BRAF: variants seen among roughly 807,000 people sequenced by gnomAD.
The protein encoded by BRAF is serine/threonine-protein kinase B-raf.
Under a neutral mutation model 104.6 loss-of-function variants are expected in BRAF, and 16 were observed. The observed-to-expected ratio is 0.15, with a 90% CI of 0.10 to 0.23. The LOEUF (loss-of-function observed/expected upper bound fraction) is 0.23, where lower values mean the gene tolerates loss of function less well. Among genes scored for constraint, BRAF ranks in the 10% least tolerant of loss-of-function variants. The pLI, the probability that BRAF is intolerant of heterozygous loss-of-function variation, is 1.00. For missense variants in BRAF, 541 were observed against 937.3 expected (o/e 0.58, Z 5.52); for synonymous variants, 310 against 341.6 (o/e 0.91, Z 1.02).
chr7:140,880,193 A>G (rs1349859418), intron 1 of BRAF, among the ~76,000 whole-genome samples: 1 of 152,192 alleles, frequency 6.6e-6, no homozygotes, highest in Admixed American at 6.5e-5. Flanking sequence ...CCAGTGCTTC[A>G]TCAACTAATT....
intron 2 of BRAF, among the ~76,000 whole-genome samples, chr7:140,839,632 A>C (rs1047737604): frequency 6.6e-6 from 1 of 152,228 alleles, no homozygotes; most frequent in African/African-American, 2.4e-5. Flanking sequence ...CAGGAGGCTG[A>C]AGCGGGAGGA....
At chr7:140,838,172 T>C (rs780890516) in intron 2 of BRAF, among the ~76,000 whole-genome samples, 9 of 152,298 alleles carry the variant, frequency 5.9e-5, no homozygotes, top group Non-Finnish European at 1.0e-4. Context: ...AAACTCTAAA[T>C]ATTTTTCAAA....
At chr7:140,921,982 T>G (rs1211964039) in intron 1 of BRAF, among the ~76,000 whole-genome samples, 2 of 152,160 alleles carry the variant, frequency 1.3e-5, no homozygotes, top group African/African-American at 4.8e-5. Flanking sequence ...CCACTGAATA[T>G]CAACTTCAAA....
chr7:140,821,468 T>C (rs1420969271), intron 3 of BRAF, among the ~76,000 whole-genome samples: 1 of 151,446 alleles, frequency 6.6e-6, no homozygotes, highest in African/African-American at 2.4e-5. Context: ...TGGCTAATTT[T>C]TTTTTTTGTA....
At chr7:140,726,683 C>T (rs1373331135) in intron 19 of BRAF, among the ~76,000 whole-genome samples, 2 of 152,172 alleles carry the variant, frequency 1.3e-5, no homozygotes, top group Admixed American at 6.5e-5. Flanking sequence ...CATGGAAGAA[C>T]ACAACATATA....
At chr7:140,767,414 T>C (rs956497691) in intron 14 of BRAF, among the ~76,000 whole-genome samples, 21 of 152,142 alleles carry the variant, frequency 1.4e-4, no homozygotes, top group African/African-American at 5.1e-4. Context: ...GGGGATGGAA[T>C]CTAGTGTACA....
At chr7:140,852,603 T>G (rs1809303902) in intron 1 of BRAF, among the ~76,000 whole-genome samples, 1 of 152,178 alleles carries the variant, frequency 6.6e-6, no homozygotes, top group African/African-American at 2.4e-5. Context: ...CTCCAAAAAG[T>G]GTCAGATGGC....
At chr7:140,842,370 T>C (rs185065594) in intron 2 of BRAF, among the ~76,000 whole-genome samples, 129 of 152,268 alleles carry the variant, frequency 8.5e-4, no homozygotes, top group African/African-American at 3.1e-3. Context: ...TGAACTAATA[T>C]ATGATTAGTA....
intron 1 of BRAF, among the ~76,000 whole-genome samples, chr7:140,911,333 C>A (rs1243468493): frequency 6.6e-6 from 1 of 152,152 alleles, no homozygotes; most frequent in Non-Finnish European, 1.5e-5. Flanking sequence ...ACAGTAGCCA[C>A]ATAGATACGG....
At chr7:140,769,964 T>C (rs939656585) in intron 14 of BRAF, among the ~76,000 whole-genome samples, 1 of 152,226 alleles carries the variant, frequency 6.6e-6, no homozygotes, top group Non-Finnish European at 1.5e-5. Flanking sequence ...GGGGTTAGAA[T>C]AAGCATTTTC....
chr7:140,876,763 T>C (rs1329334830), intron 1 of BRAF, among the ~76,000 whole-genome samples: 2 of 152,064 alleles, frequency 1.3e-5, no homozygotes, highest in Admixed American at 1.3e-4. Context: ...TCAGTAAGAA[T>C]ATGGAAGAAA....
At chr7:140,771,807 G>A (rs1784781210) in intron 14 of BRAF, among the ~76,000 whole-genome samples, 1 of 152,170 alleles carries the variant, frequency 6.6e-6, no homozygotes, top group South Asian at 2.1e-4. Context: ...GAGTTGAAAG[G>A]AGGCACAGTA....
chr7:140,764,012 C>A (rs1476476422), intron 14 of BRAF, among the ~76,000 whole-genome samples: 2 of 152,134 alleles, frequency 1.3e-5, no homozygotes, highest in South Asian at 2.1e-4. Context: ...AATTTTAGAC[C>A]GATATCCTTG....
At chr7:140,832,565 T>C (rs557443274) in intron 3 of BRAF, among the ~76,000 whole-genome samples, 4 of 152,348 alleles carry the variant, frequency 2.6e-5, no homozygotes, top group Admixed American at 2.6e-4. Flanking sequence ...AAGAGTTTAA[T>C]ACCACAAACC....
intron 1 of BRAF, among the ~76,000 whole-genome samples, chr7:140,882,445 G>A (rs970685920): frequency 6.1e-5 from 9 of 148,008 alleles, no homozygotes; most frequent in African/African-American, 2.0e-4. Context: ...GCACGATCTC[G>A]GCTCACTGCA....
chr7:140,854,253 A>G (rs1392645551), intron 1 of BRAF, among the ~76,000 whole-genome samples: 4 of 152,222 alleles, frequency 2.6e-5, no homozygotes, highest in African/African-American at 4.8e-5. Context: ...TTTCTAAGTC[A>G]TAATTTGATA....
chr7:140,847,541 C>T (rs1189955401), intron 2 of BRAF, among the ~76,000 whole-genome samples: 1 of 151,916 alleles, frequency 6.6e-6, no homozygotes, highest in Non-Finnish European at 1.5e-5. Flanking sequence ...CAAGATCGTG[C>T]CACTGCACTC....
intron 17 of BRAF, chr7:140,741,107 T>C (rs745430439): frequency 1.4e-4 from 22 of 152,184 alleles, no homozygotes; most frequent in Non-Finnish European, 2.9e-4. Context: ...GGAGTTCCTA[T>C]AGTCATATAT....
intron 3 of BRAF, among the ~76,000 whole-genome samples, chr7:140,812,343 A>T (rs1236472406): frequency 2.0e-5 from 3 of 152,060 alleles, no homozygotes; most frequent in Non-Finnish European, 4.4e-5. Context: ...CTAATATATA[A>T]TCTTAAATTT....
Sources: gnomAD v4.1 joint callset for allele counts (sites outside exome capture counted in the v4.1 genomes callset) on GRCh38, gnomAD v4.1.1 for gene constraint, MANE v1.5 for transcripts, NCBI Gene and HGNC (gene_info 2026-07-23, HGNC 2026-07-21) for gene names.